Variants in RALGPS2 observed in about 807,000 individuals in gnomAD.
RALGPS2 encodes ras-specific guanine nucleotide-releasing factor RalGPS2.
RALGPS2 carries 43 observed loss-of-function variants against 86.8 expected under a neutral mutation model. That is an observed-to-expected ratio of 0.50 (90% CI 0.39 to 0.64). The LOEUF (loss-of-function observed/expected upper bound fraction) is 0.64, where lower values mean the gene tolerates loss of function less well. Among genes scored for constraint, RALGPS2 ranks in the 30% least tolerant of loss-of-function variants. RALGPS2 has a pLI of 0.00. For synonymous variants in RALGPS2, 243 were observed against 231.3 expected (o/e 1.05, Z -0.46); for missense variants, 536 against 694.6 (o/e 0.77, Z 2.57).
chr1:178,748,578 C>T (rs984841979), intron 1 of RALGPS2, among the ~76,000 whole-genome samples: 1 of 150,862 alleles, frequency 6.6e-6, no homozygotes, highest in Non-Finnish European at 1.5e-5. Context: ...ACTGGCTGGG[C>T]ACGGTGGCTC....
chr1:178,749,321 T>C (rs1344573970), intron 1 of RALGPS2, among the ~76,000 whole-genome samples: 3 of 152,146 alleles, frequency 2.0e-5, no homozygotes, highest in African/African-American at 7.2e-5. Flanking sequence ...TCCTTGTCTT[T>C]ACTAAAAATA....
At chr1:178,776,415 G>A (rs535767941) in intron 1 of RALGPS2, among the ~76,000 whole-genome samples, 36 of 151,658 alleles carry the variant, frequency 2.4e-4, no homozygotes, top group Non-Finnish European at 3.4e-4. Flanking sequence ...TTTTTCCCTC[G>A]CAATACCCAC....
At chr1:178,869,114 G>GT (rs969837817) in intron 8 of RALGPS2, 2 of 151,880 alleles carry the variant, frequency 1.3e-5, no homozygotes, top group African/African-American at 4.8e-5. Flanking sequence ...GAATACTTAC[G>GT]TTTAAATTTA....
chr1:178,889,607 T>A (rs1434975549), intron 13 of RALGPS2, 35 bp from the exon 14 acceptor site: 1 of 1,421,654 alleles, frequency 7.0e-7, no homozygotes, highest in Non-Finnish European at 9.9e-7. Flanking sequence ...GAGGTAATTC[T>A]GATGTTTAAA....
At position 178,874,098 on chromosome 1, in the gene RALGPS2, A is replaced by G. The variant is rs144485967; in HGVS notation, c.608-3400A>G. On this transcript the variant is annotated intron_variant, in intron 8 of 19. Transcript: ENST00000367635. ...TTAAAGCTCAAAAATAGGCAAAAGT[A>G]GGAATACAGACAAATGTCGGGGAAA... 3.8e-3 allele frequency among the ~76,000 whole-genome samples: 579 copies of G among 152,320 alleles called. 6 individuals are homozygous for G. The highest frequency in any genetic ancestry group is 0.013 in the African/African-American group (559 of 41,560).
At chr1:178,752,640 T>C (rs1231494011) in intron 1 of RALGPS2, among the ~76,000 whole-genome samples, 1 of 152,210 alleles carries the variant, frequency 6.6e-6, no homozygotes, top group Non-Finnish European at 1.5e-5. Context: ...ACAGTTTATA[T>C]AGTAATGTGA....
intron 6 of RALGPS2, among the ~76,000 whole-genome samples, chr1:178,814,548 A>G (rs145525464): frequency 1.3e-5 from 2 of 151,998 alleles, no homozygotes; most frequent in East Asian, 3.9e-4. Context: ...CAATCTTCCT[A>G]CCTCAGCCTC....
rs1282026346 is a variant in RALGPS2 at position 178,785,649 on chromosome 1, A to G, written c.213+42A>G. ...ATGTTCCTTTTAAATATAGAAAACG[A>G]TCAATCTCAAATTAAGTGTTTTAGA... On this transcript the variant is annotated intron_variant, in intron 4 of 19. Transcript: ENST00000367635. The G allele has an allele frequency of 2.0e-6, 3 of 1,531,986 alleles. No individual in the cohort carries two copies. The African/African-American group carries it at 4.3e-5, about 22-fold the overall frequency. 94.9% of individuals were successfully genotyped at this position (1,531,986 alleles called of 1,614,324 possible). A position where few individuals can be genotyped will look rare whatever the true frequency, so the allele number is the denominator to read the frequency against.
intron 12 of RALGPS2, 113 bp downstream of exon 12, chr1:178,885,324 A>G: frequency 9.6e-7 from 1 of 1,043,224 alleles, no homozygotes; most frequent in Non-Finnish European, 1.3e-6. Context: ...CTTTTTTCTT[A>G]ATAGCTGTTT....
chr1:178,861,479 A>G (rs930125308), intron 8 of RALGPS2, among the ~76,000 whole-genome samples: 3 of 151,692 alleles, frequency 2.0e-5, no homozygotes, highest in Non-Finnish European at 4.4e-5. Context: ...TGCTAAGTGT[A>G]TAATAAAACA....
At position 178,821,514 on chromosome 1, in the gene RALGPS2, C is replaced by T. The variant is rs115993639; in HGVS notation, c.388-98C>T. 28 of 846,000 alleles carry T rather than the reference C, an allele frequency of 3.3e-5. No individual in the cohort carries two copies. The African/African-American group carries it at 4.6e-4, about 14-fold the overall frequency. 52.4% of individuals were successfully genotyped at this position (846,000 alleles called of 1,614,324 possible). ...GTAATGAAGGTAATATATGCTGGAA[C>T]ACTACCAGTTGCCAAGATTGTACTT... On this transcript the variant is annotated intron_variant, in intron 6 of 19. Transcript: ENST00000367635.
chr1:178,871,892 T>C (rs764206895), intron 8 of RALGPS2, among the ~76,000 whole-genome samples: 55 of 152,222 alleles, frequency 3.6e-4, no homozygotes, highest in Non-Finnish European at 7.2e-4. Context: ...TCTTCTGCTA[T>C]GAAATAAGGT....
At position 178,864,964 on chromosome 1, in the gene RALGPS2, G is replaced by C. The variant is rs372891991; in HGVS notation, c.608-12534G>C. The C allele has an allele frequency of 2.4e-5, 35 of 1,449,828 alleles. No individual in the cohort carries two copies. Among genetic ancestry groups the C allele is most frequent in the Admixed American group, 7.7e-5 (3 of 38,782 alleles). 89.8% of individuals were successfully genotyped at this position (1,449,828 alleles called of 1,614,324 possible). On this transcript the variant is annotated intron_variant, in intron 8 of 19. Coordinates refer to ENST00000367635, the MANE Select transcript of RALGPS2 (RefSeq NM_152663.5). Reference sequence around the variant, plus strand: ...TAAGAGGTAACTCACCTTCATTGATGAAAGTTACCGGTGGTATCTTGAAAG... The same window carrying C: ...TAAGAGGTAACTCACCTTCATTGATCAAAGTTACCGGTGGTATCTTGAAAG...
At chr1:178,820,266 A>G (rs1655433246) in intron 6 of RALGPS2, among the ~76,000 whole-genome samples, 1 of 152,166 alleles carries the variant, frequency 6.6e-6, no homozygotes, top group Non-Finnish European at 1.5e-5. Context: ...AGGGTTGTGA[A>G]CCGATGCCTG....
intron 4 of RALGPS2, among the ~76,000 whole-genome samples, 156 bp downstream of exon 4, chr1:178,785,763 C>T (rs972597676): frequency 4.6e-5 from 7 of 152,002 alleles, no homozygotes; most frequent in Non-Finnish European, 1.0e-4. Flanking sequence ...CAGAAACCCA[C>T]GTGGCATTCA....
rs2102107591 is a variant in RALGPS2 at position 178,777,402 on chromosome 1, CAA to C, written c.57+583_57+584del. 2.0e-5 allele frequency among the ~76,000 whole-genome samples: 3 copies of C among 151,848 alleles called. No individual in the cohort carries two copies. In the East Asian group the frequency reaches 5.8e-4, roughly 29 times the overall value. ...TCAAGGAAATAAAAGAGGATACAAACAAATGGAAGAACATTCCATGCTCATGG... is the reference window on the plus strand; with the variant it reads ...TCAAGGAAATAAAAGAGGATACAAACATGGAAGAACATTCCATGCTCATGG... On this transcript the variant is annotated intron_variant, in intron 2 of 19. Coordinates refer to ENST00000367635, the MANE Select transcript of RALGPS2 (RefSeq NM_152663.5).
chr1:178,785,942 A>G (rs182112173), intron 4 of RALGPS2, among the ~76,000 whole-genome samples: 22 of 152,220 alleles, frequency 1.4e-4, no homozygotes, highest in Non-Finnish European at 2.4e-4. Context: ...TGGTAACATA[A>G]ACAATCAACT....
At chr1:178,891,175 GTGTT>G (rs2102388141) in intron 14 of RALGPS2, among the ~76,000 whole-genome samples, 1 of 152,124 alleles carries the variant, frequency 6.6e-6, no homozygotes, top group Non-Finnish European at 1.5e-5. Context: ...TTTATAACAG[GTGTT>G]TTGCTTTGCA....
chr1:178,808,147 A>G lies in RALGPS2; in HGVS notation c.297+19A>G, dbSNP rs778439486. On this transcript the variant is annotated intron_variant, in intron 5 of 19. Coordinates refer to ENST00000367635, the MANE Select transcript of RALGPS2 (RefSeq NM_152663.5). ...CAATCATGTGAGTTTATAAATTTTG[A>G]TACTGTGTCTGAAATTCAGTTCCTC... 15 of 1,510,372 alleles carry G rather than the reference A, an allele frequency of 9.9e-6. No individual in the cohort carries two copies. The highest frequency in any genetic ancestry group is 1.4e-5 in the African/African-American group (1 of 72,594). The allele number at this position is 1,510,372 out of a possible 1,614,324, so 93.6% of individuals were successfully genotyped here.
Sources: gnomAD v4.1 joint callset for allele counts (sites outside exome capture counted in the v4.1 genomes callset) on GRCh38, gnomAD v4.1.1 for gene constraint, MANE v1.5 for transcripts, NCBI Gene and HGNC (gene_info 2026-07-23, HGNC 2026-07-21) for gene names.